AOPEP: variants seen among roughly 807,000 people sequenced by gnomAD.
AOPEP encodes aminopeptidase O.
In AOPEP, 77 loss-of-function variants were observed where a neutral mutation model predicts 98.1. The observed-to-expected ratio is 0.78, with a 90% CI of 0.65 to 0.95. The LOEUF (loss-of-function observed/expected upper bound fraction) is 0.95, where lower values mean the gene tolerates loss of function less well. Ranked by LOEUF, AOPEP falls within the 40% of genes least tolerant of loss-of-function variation. The probability of loss-of-function intolerance (pLI) is 0.00; values close to 1 mark genes in which losing one functional copy is unlikely to be tolerated. For missense variants in AOPEP, 1,024 were observed against 1,024.7 expected (o/e 1.00, Z 0.01); for synonymous variants, 346 against 365.3 (o/e 0.95, Z 0.60).
chr9:94,802,552 T>A (rs1181006120), intron 5 of AOPEP, among the ~76,000 whole-genome samples: 1 of 152,198 alleles, frequency 6.6e-6, no homozygotes, highest in African/African-American at 2.4e-5. Context: ...TTTGCGATAT[T>A]TGAAGTGATT....
chr9:94,767,462 A>G (rs968596269), intron 2 of AOPEP, among the ~76,000 whole-genome samples: 3 of 152,252 alleles, frequency 2.0e-5, no homozygotes, highest in Non-Finnish European at 2.9e-5. Flanking sequence ...CACCAAGAGC[A>G]TAGTGTGTTC....
At chr9:94,883,108 A>G (rs1221071458) in intron 5 of AOPEP, among the ~76,000 whole-genome samples, 1 of 152,152 alleles carries the variant, frequency 6.6e-6, no homozygotes, top group Non-Finnish European at 1.5e-5. Context: ...TTTGAGAGAA[A>G]ACTCACCCAC....
At chr9:94,857,274 G>A (rs1278159809) in intron 5 of AOPEP, among the ~76,000 whole-genome samples, 1 of 152,124 alleles carries the variant, frequency 6.6e-6, no homozygotes, top group Non-Finnish European at 1.5e-5. Flanking sequence ...TCTTATAGCA[G>A]TTCTTATGAT....
At chr9:95,026,587 T>G (rs573364888) in intron 13 of AOPEP, among the ~76,000 whole-genome samples, 2 of 152,222 alleles carry the variant, frequency 1.3e-5, no homozygotes, top group Non-Finnish European at 2.9e-5. Context: ...TATCTGTCTG[T>G]TCACCAGTTG....
chr9:94,942,501 C>T (rs1249501498), intron 7 of AOPEP, among the ~76,000 whole-genome samples: 1 of 152,030 alleles, frequency 6.6e-6, no homozygotes, highest in African/African-American at 2.4e-5. Flanking sequence ...CCTTTCAAGT[C>T]AATGGTTGAG....
At chr9:94,771,309 C>T (rs1318725931) in intron 2 of AOPEP, among the ~76,000 whole-genome samples, 4 of 152,094 alleles carry the variant, frequency 2.6e-5, no homozygotes, top group Admixed American at 2.0e-4. Flanking sequence ...ACCTGCTCCC[C>T]GCTTCACCAG....
chr9:94,947,071 G>A (rs543962744), intron 7 of AOPEP, among the ~76,000 whole-genome samples: 41 of 151,492 alleles, frequency 2.7e-4, no homozygotes, highest in Admixed American at 4.6e-4. Context: ...CCGCCTCCTG[G>A]GTTCACGCCA....
chr9:95,139,511 G>A, the AOPEP span, among the ~76,000 whole-genome samples: 1 of 152,244 alleles, frequency 6.6e-6, no homozygotes, highest in East Asian at 1.9e-4. Context: ...ACACTGCAGT[G>A]TGCACCCACG....
chr9:94,733,138 A>G (rs1411772513), intron 1 of AOPEP, among the ~76,000 whole-genome samples: 1 of 126,718 alleles, frequency 7.9e-6, no homozygotes, highest in Non-Finnish European at 1.6e-5. Context: ...ACAGTGTCTC[A>G]CTCTGTTGCC....
the AOPEP span, chr9:95,101,575 T>C: frequency 9.3e-7 from 1 of 1,074,912 alleles, no homozygotes; most frequent in Non-Finnish European, 1.4e-6. Flanking sequence ...TGTCCCAAGA[T>C]GTGTACAGCT....
chr9:94,983,991 G>A (rs919991027), intron 11 of AOPEP, among the ~76,000 whole-genome samples: 1 of 151,762 alleles, frequency 6.6e-6, no homozygotes, highest in African/African-American at 2.4e-5. Flanking sequence ...AGCTACATGT[G>A]GTTGGTAAGC....
intron 15 of AOPEP, among the ~76,000 whole-genome samples, chr9:95,082,015 G>T (rs1020551155): frequency 6.6e-6 from 1 of 152,036 alleles, no homozygotes; most frequent in African/African-American, 2.4e-5. Flanking sequence ...CAGCAGAGCC[G>T]GTGCGGGCTA....
chr9:94,843,278 TC>T (rs1417117665), intron 5 of AOPEP, among the ~76,000 whole-genome samples: 2 of 152,188 alleles, frequency 1.3e-5, no homozygotes, highest in African/African-American at 4.8e-5. Context: ...CACCCCACTT[TC>T]CTGCTGCCTA....
chr9:95,097,522 C>T, the AOPEP span, among the ~76,000 whole-genome samples: 6 of 152,234 alleles, frequency 3.9e-5, no homozygotes, highest in African/African-American at 9.6e-5. Flanking sequence ...CTGGGCAGCA[C>T]GACTGGCCTT....
chr9:94,944,248 G>C lies in AOPEP; in HGVS notation c.1662-10929G>C, dbSNP rs193288393. On this transcript the variant is annotated intron_variant, in intron 7 of 16. Coordinates refer to ENST00000375315, the MANE Select transcript of AOPEP (RefSeq NM_001193329.3). ...ATATAACCCTGCAATTCCATTCCTA[G>C]CTAAATAACCAAAAGAAATGAAGAA... 2.6e-3 allele frequency among the ~76,000 whole-genome samples: 398 copies of C among 151,906 alleles called. 2 individuals carry two copies. Among genetic ancestry groups the C allele is most frequent in the African/African-American group, 9.3e-3 (384 of 41,494 alleles).
intron 14 of AOPEP, among the ~76,000 whole-genome samples, chr9:95,066,704 G>C (rs970877475): frequency 1.3e-5 from 2 of 152,124 alleles, no homozygotes; most frequent in Non-Finnish European, 2.9e-5. Context: ...TCTCCAGTCT[G>C]TATAGATTTT....
In AOPEP at chr9:94,768,232, G is replaced by T. The variant is rs549029657; in HGVS notation, c.798-4770G>T. Among the ~76,000 whole-genome samples the T allele has an allele frequency of 1.6e-4, 25 of 152,182 alleles. No homozygotes were observed. The South Asian group carries it at 5.2e-3, about 32-fold the overall frequency. ...CAAGCCACACATGGGGCCACTGTGG[G>T]CTCATTACCTCCAACCTACTTCTGG... On this transcript the variant is annotated intron_variant, in intron 2 of 16. Coordinates refer to ENST00000375315, the MANE Select transcript of AOPEP (RefSeq NM_001193329.3).
intron 9 of AOPEP, among the ~76,000 whole-genome samples, chr9:94,961,113 CTTT>C (rs988167127): frequency 2.0e-5 from 3 of 151,568 alleles, no homozygotes; most frequent in Admixed American, 2.0e-4. Flanking sequence ...GCCCTCAAAA[CTTT>C]TTAGACATGG....
chr9:94,814,837 C>T (rs146998681), intron 5 of AOPEP, among the ~76,000 whole-genome samples: 1 of 152,320 alleles, frequency 6.6e-6, no homozygotes, highest in East Asian at 1.9e-4. Flanking sequence ...TCATTAATGG[C>T]TCTCAAGTCT....
Sources: allele counts gnomAD v4.1 joint callset (sites outside exome capture counted in the v4.1 genomes callset), GRCh38; gene constraint gnomAD v4.1.1; transcripts MANE v1.5; gene names NCBI Gene and HGNC (gene_info 2026-07-23, HGNC 2026-07-21).